The following SLCO3A1 variants were observed in gnomAD, a reference collection of about 807,000 sequenced individuals.
SLCO3A1 encodes solute carrier organic anion transporter family member 3A1.
SLCO3A1 carries 27 observed loss-of-function variants against 63.1 expected under a neutral mutation model. That is an observed-to-expected ratio of 0.43 (90% CI 0.32 to 0.59). The LOEUF is 0.59. Among genes scored for constraint, SLCO3A1 ranks in the 20% least tolerant of loss-of-function variants. The probability of loss-of-function intolerance (pLI) is 0.09; values close to 1 mark genes in which losing one functional copy is unlikely to be tolerated. For synonymous variants in SLCO3A1, 473 were observed against 409.9 expected (o/e 1.15, Z -1.86); for missense variants, 773 against 945.8 (o/e 0.82, Z 2.40).
At chr15:92,036,426 G>T (rs28458969) in intron 2 of SLCO3A1, among the ~76,000 whole-genome samples, 1 of 144,496 alleles carries the variant, frequency 6.9e-6, no homozygotes, top group Non-Finnish European at 1.5e-5. Context: ...ATTCCACTTC[G>T]CCAAGAATTA....
intron 8 of SLCO3A1, chr15:92,149,652 C>T (rs574327614): frequency 6.6e-6 from 1 of 152,376 alleles, no homozygotes; most frequent in African/African-American, 2.4e-5. Context: ...ATAGTGTTCA[C>T]ACGGAGCCCT....
rs201236923 is a variant in SLCO3A1 at position 91,932,487 on chromosome 15, C to T, written c.646+16029C>T. Among the ~76,000 whole-genome samples the T allele has an allele frequency of 2.6e-5, 4 of 152,020 alleles. No homozygotes were observed. The East Asian group carries it at 5.8e-4, about 22-fold the overall frequency. ...TTGAGACAGGGTCTTGCTCTATTGC[C>T]CAGGCTGGAGTGCAATGGCATGATC... On this transcript the variant is annotated intron_variant, in intron 2 of 9. Coordinates refer to ENST00000318445, the MANE Select transcript of SLCO3A1 (RefSeq NM_013272.4).
At chr15:91,924,391 G>T (rs914049728) in intron 2 of SLCO3A1, among the ~76,000 whole-genome samples, 1 of 152,160 alleles carries the variant, frequency 6.6e-6, no homozygotes, top group African/African-American at 2.4e-5. Flanking sequence ...AGTCAGCATT[G>T]GTTAGCATGT....
chr15:91,949,631 C>T (rs557641114), intron 2 of SLCO3A1, among the ~76,000 whole-genome samples: 4 of 151,796 alleles, frequency 2.6e-5, no homozygotes, highest in Admixed American at 1.3e-4. Context: ...CTCTGTCCCC[C>T]CAAAAGAAGA....
chr15:92,042,448 C>T (rs901109160), intron 2 of SLCO3A1, among the ~76,000 whole-genome samples: 1 of 152,142 alleles, frequency 6.6e-6, no homozygotes, highest in Admixed American at 6.5e-5. Flanking sequence ...GATGTAGGAA[C>T]GAGGCTGTAT....
intron 2 of SLCO3A1, among the ~76,000 whole-genome samples, chr15:91,981,680 G>GA (rs2045989523): frequency 6.6e-6 from 1 of 152,080 alleles, no homozygotes; most frequent in South Asian, 2.1e-4. Flanking sequence ...CACCCAATCC[G>GA]AAAACCCTTT....
chr15:91,911,078 C>T (rs1322533458), intron 1 of SLCO3A1, among the ~76,000 whole-genome samples: 2 of 152,216 alleles, frequency 1.3e-5, no homozygotes, highest in African/African-American at 2.4e-5. Context: ...TGTGTCCTGT[C>T]CTATGGCAAC....
Position 92,126,112 on chromosome 15 carries a change from T to C in SLCO3A1, c.1226T>C (p.Leu409Ser), listed in dbSNP as rs1567133254. The change falls in exon 6 of 10, where the codon TTG (leucine) becomes TCG (serine). Residue 409 changes from leucine (L) to serine (S), a missense_variant. Physicochemically the swap from Leu to Ser is moderately radical, Grantham distance 145. Around this residue, in one of 3 missense-constraint regions of SLCO3A1, gnomAD observed 565 missense variants for 749.8 expected, o/e 0.75. Coordinates refer to ENST00000318445, the MANE Select transcript of SLCO3A1 (RefSeq NM_013272.4). Reference sequence around the variant, plus strand: ...CTGGGTATCTTCCTGGGAGGTCTTTTGGTGAAGAAGCTCAGCCTGTCTGCC... The same window carrying C: ...CTGGGTATCTTCCTGGGAGGTCTTTCGGTGAAGAAGCTCAGCCTGTCTGCC... ...ACLGIFLGGL[L>S]VKKLSLSALG... 6.2e-7 allele frequency: 1 copy of C among 1,613,744 alleles called. No homozygotes were observed. The highest frequency in any genetic ancestry group is 8.5e-7 in the Non-Finnish European group (1 of 1,179,944).
At chr15:92,007,816 C>T (rs2046328757) in intron 2 of SLCO3A1, among the ~76,000 whole-genome samples, 1 of 152,064 alleles carries the variant, frequency 6.6e-6, no homozygotes, top group African/African-American at 2.4e-5. Context: ...TTGGGATTAC[C>T]ATGAGTATTT....
intron 2 of SLCO3A1, among the ~76,000 whole-genome samples, chr15:91,994,173 T>C (rs1192909162): frequency 6.6e-6 from 1 of 152,206 alleles, no homozygotes; most frequent in East Asian, 1.9e-4. Context: ...TAATACATAG[T>C]CTTTATGTGT....
At position 91,873,561 on chromosome 15, in the gene SLCO3A1, CACACAT is replaced by C. The variant is rs929067342; in HGVS notation, c.180+19477_180+19482del. Among the ~76,000 whole-genome samples the C allele has an allele frequency of 4.2e-3, 643 of 151,672 alleles. 7 individuals carry two copies. The highest frequency in any genetic ancestry group is 0.015 in the African/African-American group (601 of 41,154). Reference sequence around the variant, plus strand: ...ACACACACACACACACACACACACACACACATACATACATACATACTTTATTTCAGG... The same window carrying C: ...ACACACACACACACACACACACACACACATACATACATACTTTATTTCAGG... On this transcript the variant is annotated intron_variant, in intron 1 of 9. Coordinates refer to ENST00000318445, the MANE Select transcript of SLCO3A1 (RefSeq NM_013272.4).
chr15:92,083,029 G>A (rs1409007908), intron 2 of SLCO3A1, among the ~76,000 whole-genome samples: 1 of 152,212 alleles, frequency 6.6e-6, no homozygotes, highest in African/African-American at 2.4e-5. Context: ...GGCAGAGAAA[G>A]AGCTGAAGAA....
At chr15:91,994,819 C>T (rs2046170771) in intron 2 of SLCO3A1, among the ~76,000 whole-genome samples, 1 of 152,228 alleles carries the variant, frequency 6.6e-6, no homozygotes, top group African/African-American at 2.4e-5. Flanking sequence ...GCCTGCTCAT[C>T]ACCACTGATG....
At chr15:91,980,211 A>G (rs1188083102) in intron 2 of SLCO3A1, among the ~76,000 whole-genome samples, 1 of 152,056 alleles carries the variant, frequency 6.6e-6, no homozygotes, top group East Asian at 1.9e-4. Context: ...GTGTGGGGAG[A>G]GGCCTCGCTG....
At chr15:92,068,188 C>T (rs903189468) in intron 2 of SLCO3A1, among the ~76,000 whole-genome samples, 5 of 152,152 alleles carry the variant, frequency 3.3e-5, no homozygotes, top group Non-Finnish European at 5.9e-5. Context: ...CGTGATAGAG[C>T]GGCACGAAGC....
intron 1 of SLCO3A1, among the ~76,000 whole-genome samples, chr15:91,880,409 C>CTGTGTGTGTGTGTGTGTGTGTGTGTG (rs58932263): frequency 2.1e-5 from 3 of 142,276 alleles, no homozygotes; most frequent in African/African-American, 5.4e-5. Context: ...CTCTCTCTCT[C>CTGTGTGTGTGTGTGTGTGTGTGTGTG]TGTGTGTGTG....
rs539741690 is a variant in SLCO3A1, at chr15:91,958,435, G to A, written c.646+41977G>A. On this transcript the variant is annotated intron_variant, in intron 2 of 9. Transcript: ENST00000318445. ...ATGGGCACTGGATTTGGGCAGCCCC[G>A]CGTTTGAATGCCGCCTCTCCCATTT... 5.3e-5 allele frequency among the ~76,000 whole-genome samples: 8 copies of A among 152,302 alleles called. No individual in the cohort carries two copies. The South Asian group carries it at 6.2e-4, about 12-fold the overall frequency.
intron 2 of SLCO3A1, among the ~76,000 whole-genome samples, chr15:92,044,066 C>G (rs945124719): frequency 1.3e-5 from 2 of 152,214 alleles, no homozygotes; most frequent in Non-Finnish European, 2.9e-5. Flanking sequence ...CTTGCCGTAA[C>G]TGTATCTGGC....
At chr15:92,081,364 T>G (rs4984335) in intron 2 of SLCO3A1, among the ~76,000 whole-genome samples, 17,006 of 151,562 alleles carry the variant, frequency 0.11, 1,812 homozygotes, top group East Asian at 0.28. Flanking sequence ...TTTTCTCCTT[T>G]TTTTGAGACA....
Sources: allele counts gnomAD v4.1 joint callset (sites outside exome capture counted in the v4.1 genomes callset), GRCh38; gene constraint gnomAD v4.1.1; regional missense constraint gnomAD v4.1.1; transcripts MANE v1.5; gene names NCBI Gene and HGNC (gene_info 2026-07-23, HGNC 2026-07-21).